Variants in PNKD observed in about 807,000 individuals in gnomAD.
PNKD encodes PNKD metallo-beta-lactamase domain containing, also known as probable thioesterase PNKD.
Under a neutral mutation model 45.3 loss-of-function variants are expected in PNKD, and 36 were observed. That is an observed-to-expected ratio of 0.80 (90% confidence interval 0.61 to 1.05). PNKD has a LOEUF of 1.05. Ranked by LOEUF, PNKD falls within the 50% of genes least tolerant of loss-of-function variation. PNKD has a pLI of 0.00. For missense variants in PNKD, 511 were observed against 506.6 expected, an observed-to-expected ratio of 1.01 and a Z score of -0.08; for synonymous variants, 197 against 210.1, an observed-to-expected ratio of 0.94 and a Z score of 0.54.
chr2:218,277,480 A>G, intron 2 of PNKD: 1 of 1,612,714 alleles, frequency 6.2e-7, no homozygotes, highest in Non-Finnish European at 8.5e-7. Flanking sequence ...GTTACAGACA[A>G]GAGGCATTAA....
At chr2:218,282,988 G>A (rs1320890324) in intron 2 of PNKD, among the ~76,000 whole-genome samples, 2 of 152,168 alleles carry the variant, frequency 1.3e-5, no homozygotes, top group African/African-American at 2.4e-5. Context: ...ACGGCCCCTC[G>A]CCCTCCCCCT....
intron 2 of PNKD, among the ~76,000 whole-genome samples, chr2:218,318,828 G>A (rs2106269791): frequency 6.6e-6 from 1 of 151,936 alleles, no homozygotes; most frequent in African/African-American, 2.4e-5. Flanking sequence ...AGTAATATTA[G>A]TAATAGAGTA....
At chr2:218,315,057 T>TCTTTCTTCCTTCCTTCCTTC (rs61429059) in intron 2 of PNKD, among the ~76,000 whole-genome samples, 557 of 55,574 alleles carry the variant, frequency 0.01, 106 homozygotes, top group East Asian at 0.014. Context: ...TTTCTTTCTT[T>TCTTTCTTCCTTCCTTCCTTC]CTTCCTTCCT....
chr2:218,341,886 T>C (rs985684199), intron 6 of PNKD, 95 bp from the exon 7 acceptor site: 3 of 1,055,742 alleles, frequency 2.8e-6, no homozygotes, highest in African/African-American at 1.6e-5. Context: ...GCCCACTCTC[T>C]TGTGAATCAC....
chr2:218,282,210 T>A, intron 2 of PNKD: 1 of 1,291,010 alleles, frequency 7.7e-7, no homozygotes, highest in Non-Finnish European at 1.0e-6. Context: ...AAAGCAATCG[T>A]GAATGCCCAG....
chr2:218,335,259 A>G (rs1694455449), intron 2 of PNKD, among the ~76,000 whole-genome samples: 3 of 152,202 alleles, frequency 2.0e-5, no homozygotes, highest in Admixed American at 1.3e-4. Flanking sequence ...AGGCAGGCAG[A>G]TCACCTGAGG....
intron 2 of PNKD, among the ~76,000 whole-genome samples, chr2:218,306,109 G>T (rs1018387083): frequency 2.6e-5 from 4 of 152,208 alleles, no homozygotes; most frequent in African/African-American, 9.7e-5. Context: ...CTAGGATAGT[G>T]ATCAGGGCAG....
intron 2 of PNKD, chr2:218,282,223 C>G (rs1692096367): frequency 8.4e-7 from 1 of 1,191,670 alleles, no homozygotes. Flanking sequence ...ATGCCCAGGC[C>G]CAGCTCACTC....
intron 2 of PNKD, among the ~76,000 whole-genome samples, chr2:218,282,581 G>A (rs1692129777): frequency 6.6e-6 from 1 of 152,260 alleles, no homozygotes; most frequent in Non-Finnish European, 1.5e-5. Flanking sequence ...GCGACTCACA[G>A]GGCCAGCTGG....
Position 218,345,016 on chromosome 2 carries a change from C to T in PNKD, c.*35C>T, listed in dbSNP as rs1481400678. 1 of 1,535,230 alleles carries T rather than the reference C, an allele frequency of 6.5e-7. No individual in the cohort carries two copies. Among genetic ancestry groups the T allele is most frequent in the Admixed American group, 1.8e-5 (1 of 54,798 alleles). The stretch of plus-strand genomic sequence containing the variant: ...CGCCCCCAGCCCAGCCCACTCCCCG[C>T]ATGGGGAGGCCGCCACCACCAACAC... On this transcript the variant is annotated 3_prime_UTR_variant, in exon 10 of 10. Transcript: ENST00000273077.
chr2:218,285,696 G>A (rs1385465233), intron 2 of PNKD: 1 of 152,414 alleles, frequency 6.6e-6, no homozygotes, highest in African/African-American at 2.4e-5. Context: ...AGAGAGACCT[G>A]GGCACAGGAG....
intron 2 of PNKD, among the ~76,000 whole-genome samples, chr2:218,311,203 G>A (rs1693606255): frequency 6.6e-6 from 1 of 152,176 alleles, no homozygotes. Flanking sequence ...GTGTGACCTG[G>A]AGCCATTGAT....
At chr2:218,316,332 C>T (rs778728396) in intron 2 of PNKD, among the ~76,000 whole-genome samples, 4 of 138,286 alleles carry the variant, frequency 2.9e-5, no homozygotes, top group East Asian at 2.3e-4. Context: ...TGCAGTGGCA[C>T]GATCTCAGCT....
At chr2:218,334,558 C>T (rs572164251) in intron 2 of PNKD, 16 of 586,588 alleles carry the variant, frequency 2.7e-5, no homozygotes, top group African/African-American at 1.1e-4. Flanking sequence ...GAGGCTGAGG[C>T]GGGAGGATCG....
chr2:218,271,620 C>A, intron 2 of PNKD, 71 bp downstream of exon 2: 1 of 1,389,324 alleles, frequency 7.2e-7, no homozygotes, highest in South Asian at 1.2e-5. Flanking sequence ...TTAGAAACTT[C>A]TCCAAGTTTC....
intron 2 of PNKD, among the ~76,000 whole-genome samples, chr2:218,295,112 G>T (rs1194800433): frequency 6.6e-6 from 1 of 152,334 alleles, no homozygotes; most frequent in East Asian, 1.9e-4. Context: ...TTTCTCCAGA[G>T]CCCTTTTTCT....
At chr2:218,276,427 G>A (rs1200463405) in intron 2 of PNKD, among the ~76,000 whole-genome samples, 1 of 152,166 alleles carries the variant, frequency 6.6e-6, no homozygotes. Context: ...CCTGGGAGGG[G>A]TAGACTAAGG....
At chr2:218,318,791 T>G (rs1024967697) in intron 2 of PNKD, among the ~76,000 whole-genome samples, 1 of 151,876 alleles carries the variant, frequency 6.6e-6, no homozygotes, top group African/African-American at 2.4e-5. Context: ...TTGTGAAAAG[T>G]GCTATGAAAG....
At chr2:218,333,250 T>C (rs1344520917) in intron 2 of PNKD, among the ~76,000 whole-genome samples, 1 of 152,252 alleles carries the variant, frequency 6.6e-6, no homozygotes, top group Non-Finnish European at 1.5e-5. Flanking sequence ...GTGTCCATCA[T>C]GCACAGTATT....
Sources: allele counts gnomAD v4.1 joint callset (sites outside exome capture counted in the v4.1 genomes callset), GRCh38; gene constraint gnomAD v4.1.1; transcripts MANE v1.5; gene names NCBI Gene and HGNC (gene_info 2026-07-23, HGNC 2026-07-21).